Variants in SMYD3 observed in about 807,000 individuals in gnomAD.
The protein encoded by SMYD3 is SET and MYND domain containing 3.
SMYD3 carries 36 observed loss-of-function variants against 57.7 expected under a neutral mutation model. The ratio of observed to expected loss-of-function variants is 0.62; its 90% CI spans 0.48 to 0.82. The LOEUF (loss-of-function observed/expected upper bound fraction) is 0.82. Ranked by LOEUF, SMYD3 falls within the 40% of genes least tolerant of loss-of-function variation. The pLI is 0.00. For synonymous variants in SMYD3, 211 were observed against 195.0 expected (o/e 1.08, Z -0.68); for missense variants, 515 against 538.8 (o/e 0.96, Z 0.44).
chr1:245,946,539 G>C (rs1032162209), intron 5 of SMYD3, among the ~76,000 whole-genome samples: 5 of 152,206 alleles, frequency 3.3e-5, no homozygotes, highest in African/African-American at 1.2e-4. Context: ...AGAAAGGTAA[G>C]AGAACTCAAC....
At chr1:245,910,744 T>G (rs976269910) in intron 8 of SMYD3, among the ~76,000 whole-genome samples, 5 of 151,878 alleles carry the variant, frequency 3.3e-5, no homozygotes, top group African/African-American at 4.8e-5. Flanking sequence ...TATACAAAAG[T>G]CATATCAAAA....
At chr1:246,052,476 A>G (rs1453576487) in intron 5 of SMYD3, 2 of 152,230 alleles carry the variant, frequency 1.3e-5, no homozygotes, top group Non-Finnish European at 1.5e-5. Flanking sequence ...TAATCCTAAC[A>G]TGATTTTCTA....
chr1:245,754,270 T>A (rs2045518052), intron 11 of SMYD3, among the ~76,000 whole-genome samples: 2 of 152,142 alleles, frequency 1.3e-5, no homozygotes, highest in Non-Finnish European at 2.9e-5. Flanking sequence ...TTAATATGAA[T>A]ATATTAAGCT....
intron 1 of SMYD3, among the ~76,000 whole-genome samples, chr1:246,453,717 C>G (rs1363357055): frequency 6.6e-6 from 1 of 152,176 alleles, no homozygotes; most frequent in Non-Finnish European, 1.5e-5. Flanking sequence ...CGCCACCTAC[C>G]TGGATCAGGT....
intron 2 of SMYD3, among the ~76,000 whole-genome samples, chr1:246,348,060 TTATATA>T (rs200573424): frequency 1.2e-5 from 1 of 82,978 alleles, no homozygotes; most frequent in Non-Finnish European, 2.7e-5. Flanking sequence ...AAAGAAAACG[TTATATA>T]TATATATATA....
chr1:245,825,032 A>G (rs935412706), intron 10 of SMYD3, among the ~76,000 whole-genome samples: 7 of 152,160 alleles, frequency 4.6e-5, no homozygotes, highest in African/African-American at 1.4e-4. Context: ...CTCTGTCTCA[A>G]AAGAAAAAAA....
chr1:246,330,622 T>G, intron 3 of SMYD3, 85 bp from the exon 4 acceptor site: 1 of 1,119,112 alleles, frequency 8.9e-7, no homozygotes. Flanking sequence ...TTTGTATATT[T>G]AAATGAAAGT....
rs116425001 is a variant in SMYD3, at chr1:245,827,179, C to T, written c.1076+31317G>A. The stretch of plus-strand genomic sequence containing the variant: ...TGAGGCCCAGGGAGATTAAACGGCA[C>T]GTTCAAGGCCACACTGCTTCCAAGT... On this transcript the variant is annotated intron_variant, in intron 10 of 11. Transcript: ENST00000490107. 3.3e-3 allele frequency among the ~76,000 whole-genome samples: 508 copies of T among 152,278 alleles called. 3 individuals are homozygous for T. The highest frequency in any genetic ancestry group is 0.012 in the African/African-American group (495 of 41,546).
intron 8 of SMYD3, among the ~76,000 whole-genome samples, chr1:245,888,373 C>T (rs770719398): frequency 1.3e-5 from 2 of 152,148 alleles, no homozygotes; most frequent in Non-Finnish European, 2.9e-5. Flanking sequence ...AGTGATCTCT[C>T]AAGAAAAATA....
intron 5 of SMYD3, among the ~76,000 whole-genome samples, chr1:246,323,059 T>G (rs1270441060): frequency 6.6e-6 from 1 of 152,200 alleles, no homozygotes; most frequent in East Asian, 1.9e-4. Context: ...ATATCACTGT[T>G]TCCCAACACC....
At chr1:246,146,251 C>G (rs4654090) in intron 5 of SMYD3, among the ~76,000 whole-genome samples, 1 of 151,966 alleles carries the variant, frequency 6.6e-6, no homozygotes, top group Non-Finnish European at 1.5e-5. Context: ...TAGAAGAATC[C>G]AGGTACTAAA....
intron 8 of SMYD3, among the ~76,000 whole-genome samples, chr1:245,871,816 T>C (rs12744526): frequency 0.59 from 89,853 of 151,950 alleles, 29,327 homozygotes; most frequent in Non-Finnish European, 0.75. Flanking sequence ...CACAGTGGCC[T>C]GAGTTTTCAA....
chr1:245,866,792 G>A lies in SMYD3; in HGVS notation c.814-2906C>T, dbSNP rs888557898. 9.2e-5 allele frequency among the ~76,000 whole-genome samples: 14 copies of A among 152,210 alleles called. No homozygotes were observed. In the East Asian group the frequency reaches 9.7e-4, roughly 10 times the overall value. ...CCCTTCAAATGCCTGCTTTAAGCCC[G>A]TATTCATCTCCTAAAGATCACCTCC... On this transcript the variant is annotated intron_variant, in intron 8 of 11. Transcript: ENST00000490107.
intron 8 of SMYD3, among the ~76,000 whole-genome samples, chr1:245,881,385 C>T (rs1049642066): frequency 2.6e-5 from 4 of 152,164 alleles, no homozygotes; most frequent in African/African-American, 4.8e-5. Flanking sequence ...CTCAGTATTA[C>T]AAAGTGTTGG....
At chr1:245,851,452 T>C (rs1435987982) in intron 10 of SMYD3, among the ~76,000 whole-genome samples, 1 of 152,152 alleles carries the variant, frequency 6.6e-6, no homozygotes, top group Non-Finnish European at 1.5e-5. Context: ...GTAGAGAAGA[T>C]GGGCAGGCTT....
intron 10 of SMYD3, among the ~76,000 whole-genome samples, chr1:245,835,546 G>A (rs2050068082): frequency 6.6e-6 from 1 of 152,118 alleles, no homozygotes; most frequent in African/African-American, 2.4e-5. Flanking sequence ...TTTTAGCCTG[G>A]CACAGAGAAA....
chr1:246,019,558 T>G (rs2059433553), intron 5 of SMYD3, among the ~76,000 whole-genome samples: 1 of 152,206 alleles, frequency 6.6e-6, no homozygotes, highest in Non-Finnish European at 1.5e-5. Context: ...CTTTGTTATT[T>G]CCACAAAAGA....
chr1:245,841,641 A>G (rs1276536577), intron 10 of SMYD3, among the ~76,000 whole-genome samples: 1 of 152,232 alleles, frequency 6.6e-6, no homozygotes, highest in Non-Finnish European at 1.5e-5. Flanking sequence ...AAAATAAAAT[A>G]ACATTTTTAA....
chr1:246,456,769 GGTCT>G (rs1193640588), intron 1 of SMYD3, among the ~76,000 whole-genome samples: 3 of 152,132 alleles, frequency 2.0e-5, no homozygotes, highest in Non-Finnish European at 4.4e-5. Context: ...TCTATAATCA[GGTCT>G]AAGGAGTCAT....
Sources: allele counts gnomAD v4.1 joint callset (sites outside exome capture counted in the v4.1 genomes callset), GRCh38; gene constraint gnomAD v4.1.1; transcripts MANE v1.5; gene names NCBI Gene and HGNC (gene_info 2026-07-23, HGNC 2026-07-21).